The following EXOC4 variants were observed in gnomAD, a reference collection of about 807,000 sequenced individuals.
EXOC4 encodes the protein SEC8-like 1.
EXOC4 carries 71 observed loss-of-function variants against 107.2 expected under a neutral mutation model. The observed-to-expected ratio is 0.66, with a 90% confidence interval of 0.55 to 0.81. The LOEUF is 0.81. Ranked by LOEUF, EXOC4 falls within the 30% of genes least tolerant of loss-of-function variation. The pLI, the probability that EXOC4 is intolerant of heterozygous loss-of-function variation, is 0.00. For missense variants in EXOC4, 1,108 were observed against 1,189.6 expected, an observed-to-expected ratio of 0.93 and a Z score of 1.01; for synonymous variants, 456 against 441.2, an observed-to-expected ratio of 1.03 and a Z score of -0.42.
chr7:133,319,642 A>C (rs10272504), intron 5 of EXOC4, among the ~76,000 whole-genome samples: 52 of 152,110 alleles, frequency 3.4e-4, no homozygotes, highest in African/African-American at 1.1e-3. Flanking sequence ...GGCGTGCACC[A>C]CCACACCCAG....
intron 7 of EXOC4, among the ~76,000 whole-genome samples, chr7:133,453,712 T>C (rs371337994): frequency 6.6e-6 from 1 of 152,110 alleles, no homozygotes; most frequent in African/African-American, 2.4e-5. Context: ...AAGAGAGTAT[T>C]CTTTTTACTA....
intron 7 of EXOC4, among the ~76,000 whole-genome samples, chr7:133,389,071 GT>G (rs1357212216): frequency 6.6e-6 from 1 of 152,150 alleles, no homozygotes; most frequent in Non-Finnish European, 1.5e-5. Flanking sequence ...AGTAGTGAAA[GT>G]AATGTTTTTA....
chr7:133,555,470 C>T (rs1800673364), intron 9 of EXOC4, among the ~76,000 whole-genome samples: 1 of 152,164 alleles, frequency 6.6e-6, no homozygotes, highest in Non-Finnish European at 1.5e-5. Flanking sequence ...ATTTGAAAGA[C>T]ACACAGACAG....
intron 9 of EXOC4, among the ~76,000 whole-genome samples, chr7:133,512,904 G>A (rs1412855578): frequency 6.6e-6 from 1 of 152,088 alleles, no homozygotes; most frequent in Admixed American, 6.5e-5. Flanking sequence ...CCAGAAATTC[G>A]AGACCAGTCT....
chr7:133,515,977 T>C (rs1394585719), intron 9 of EXOC4, among the ~76,000 whole-genome samples: 1 of 152,192 alleles, frequency 6.6e-6, no homozygotes, highest in Non-Finnish European at 1.5e-5. Flanking sequence ...ACCTAGTTGC[T>C]CTTCAGTGTT....
At chr7:133,582,743 T>C (rs1441440055) in intron 9 of EXOC4, among the ~76,000 whole-genome samples, 1 of 152,204 alleles carries the variant, frequency 6.6e-6, no homozygotes, top group African/African-American at 2.4e-5. Context: ...AAAGACATTT[T>C]AAATGGCAAC....
At chr7:133,586,836 T>C (rs1801416584) in intron 9 of EXOC4, among the ~76,000 whole-genome samples, 1 of 152,086 alleles carries the variant, frequency 6.6e-6, no homozygotes, top group Admixed American at 6.6e-5. Flanking sequence ...CCCATTTTTT[T>C]TGTTTGTTTT....
intron 9 of EXOC4, among the ~76,000 whole-genome samples, chr7:133,588,410 G>T (rs1449808984): frequency 2.0e-5 from 3 of 152,050 alleles, no homozygotes; most frequent in African/African-American, 7.2e-5. Context: ...TTTATGGTTT[G>T]CTTATTTGTG....
At chr7:133,559,360 T>A (rs1800764940) in intron 9 of EXOC4, among the ~76,000 whole-genome samples, 1 of 152,226 alleles carries the variant, frequency 6.6e-6, no homozygotes, top group Non-Finnish European at 1.5e-5. Flanking sequence ...CACACATTTT[T>A]CTAGACTTCA....
chr7:133,567,530 T>G (rs1430450396), intron 9 of EXOC4, among the ~76,000 whole-genome samples: 1 of 152,152 alleles, frequency 6.6e-6, no homozygotes, highest in Non-Finnish European at 1.5e-5. Flanking sequence ...TAAGATAAAT[T>G]TCTGGCAGTG....
At chr7:133,937,186 G>T (rs769963524) in intron 13 of EXOC4, among the ~76,000 whole-genome samples, 1 of 151,700 alleles carries the variant, frequency 6.6e-6, no homozygotes, top group Non-Finnish European at 1.5e-5. Context: ...TTTCAACCCC[G>T]CCCTGCCCCC....
chr7:133,554,280 T>C (rs1158474662), intron 9 of EXOC4, among the ~76,000 whole-genome samples: 1 of 152,182 alleles, frequency 6.6e-6, no homozygotes, highest in Non-Finnish European at 1.5e-5. Flanking sequence ...CTAGAAATCA[T>C]TCTTAATATT....
At chr7:133,428,527 C>G (rs1450429810) in intron 7 of EXOC4, among the ~76,000 whole-genome samples, 1 of 152,158 alleles carries the variant, frequency 6.6e-6, no homozygotes, top group African/African-American at 2.4e-5. Flanking sequence ...CTATTCTGTT[C>G]TGTTCTGCTC....
chr7:133,534,523 T>C (rs1338005200), intron 9 of EXOC4, among the ~76,000 whole-genome samples: 1 of 152,146 alleles, frequency 6.6e-6, no homozygotes, highest in Non-Finnish European at 1.5e-5. Flanking sequence ...AAATAGCTAC[T>C]CATCAGCAAA....
intron 17 of EXOC4, among the ~76,000 whole-genome samples, chr7:134,031,801 A>G (rs1795277464): frequency 6.6e-6 from 1 of 152,250 alleles, no homozygotes; most frequent in South Asian, 2.1e-4. Flanking sequence ...GAAGAGCTAA[A>G]GAAGCATACA....
intron 10 of EXOC4, among the ~76,000 whole-genome samples, chr7:133,675,924 G>A (rs909580839): frequency 1.3e-5 from 2 of 152,008 alleles, no homozygotes; most frequent in Admixed American, 6.6e-5. Flanking sequence ...TCTCTTCTCA[G>A]GCAAATTGTT....
chr7:133,937,302 T>G (rs1397376785), intron 13 of EXOC4, among the ~76,000 whole-genome samples: 1 of 152,218 alleles, frequency 6.6e-6, no homozygotes, highest in African/African-American at 2.4e-5. Context: ...TGGTTTCTTT[T>G]TCCAAATGCT....
At chr7:133,725,134 A>G (rs769303191) in intron 10 of EXOC4, among the ~76,000 whole-genome samples, 16 of 152,214 alleles carry the variant, frequency 1.1e-4, no homozygotes, top group Non-Finnish European at 1.3e-4. Context: ...AATGTTGCCA[A>G]TGCACCTGAG....
chr7:133,811,735 G>A (rs1340249881), intron 10 of EXOC4, among the ~76,000 whole-genome samples: 1 of 152,192 alleles, frequency 6.6e-6, no homozygotes, highest in Non-Finnish European at 1.5e-5. Flanking sequence ...AGGATCCTCT[G>A]TCAATAAGAA....
Sources: gnomAD v4.1 joint callset for allele counts (sites outside exome capture counted in the v4.1 genomes callset) on GRCh38, gnomAD v4.1.1 for gene constraint, MANE v1.5 for transcripts, NCBI Gene and HGNC (gene_info 2026-07-23, HGNC 2026-07-21) for gene names.